PDE5A: variants seen among roughly 807,000 people sequenced by gnomAD.
PDE5A encodes phosphodiesterase 5A, also known as cGMP-specific 3',5'-cyclic phosphodiesterase.
Under a neutral mutation model 110.2 loss-of-function variants are expected in PDE5A, and 67 were observed. The observed-to-expected ratio is 0.61, with a 90% CI of 0.50 to 0.75. The LOEUF (loss-of-function observed/expected upper bound fraction) is 0.75, where lower values mean the gene tolerates loss of function less well. Among genes scored for constraint, PDE5A ranks in the 30% least tolerant of loss-of-function variants. PDE5A has a pLI of 0.00. For synonymous variants in PDE5A, 328 were observed against 351.2 expected (o/e 0.93, Z 0.74); for missense variants, 862 against 1,045.1 (o/e 0.82, Z 2.42).
At chr4:119,560,599 G>A (rs910761211) in intron 6 of PDE5A, among the ~76,000 whole-genome samples, 1 of 152,148 alleles carries the variant, frequency 6.6e-6, no homozygotes, top group African/African-American at 2.4e-5. Context: ...TTGGAAGAAT[G>A]ATTATATGAG....
At chr4:119,540,023 T>C (rs1301741953) in intron 10 of PDE5A, among the ~76,000 whole-genome samples, 3 of 152,196 alleles carry the variant, frequency 2.0e-5, no homozygotes, top group Admixed American at 6.6e-5. Flanking sequence ...AAGCATTTCA[T>C]GTAAGGGTTA....
At position 119,495,893 on chromosome 4, in the gene PDE5A, CA is replaced by C. The variant is rs1433342579; in HGVS notation, c.*2707del. 6.6e-6 allele frequency: 1 copy of C among 152,072 alleles called. No homozygotes were observed. Among genetic ancestry groups the C allele is most frequent in the Non-Finnish European group, 1.5e-5 (1 of 68,014 alleles). 9.4% of individuals were successfully genotyped at this position (152,072 alleles called of 1,614,324 possible). Reference sequence around the variant, plus strand: ...TCACCTTCTCTCTAGACTAATATCCCATTTCTGACAGTGGTCTCCATGGCCC... The same window carrying C: ...TCACCTTCTCTCTAGACTAATATCCCTTTCTGACAGTGGTCTCCATGGCCC... On this transcript the variant is annotated 3_prime_UTR_variant, in exon 21 of 21. Transcript: ENST00000354960.
At chr4:119,565,454 G>T in intron 4 of PDE5A, 44 bp from the exon 5 acceptor site, 1 of 1,304,698 alleles carries the variant, frequency 7.7e-7, no homozygotes, top group Non-Finnish European at 1.1e-6. Context: ...ACATAAAACA[G>T]TCTAGTTACA....
intron 9 of PDE5A, among the ~76,000 whole-genome samples, chr4:119,546,909 C>CT (rs1388161987): frequency 3.3e-5 from 5 of 151,888 alleles, no homozygotes; most frequent in Non-Finnish European, 5.9e-5. Context: ...AATTATTTCT[C>CT]TTTAATAATT....
chr4:119,598,001 AATTCTT>A (rs1292109911), intron 2 of PDE5A, among the ~76,000 whole-genome samples: 1 of 152,112 alleles, frequency 6.6e-6, no homozygotes, highest in Middle Eastern at 3.2e-3. Context: ...TTCCTAATAA[AATTCTT>A]ATTTTATCTT....
At chr4:119,557,707 G>A (rs1046070284) in intron 7 of PDE5A, among the ~76,000 whole-genome samples, 15 of 152,116 alleles carry the variant, frequency 9.9e-5, no homozygotes, top group Admixed American at 2.0e-4. Context: ...CACTACAGAT[G>A]AAGAAACTGA....
At chr4:119,594,862 T>C (rs1729101207) in intron 3 of PDE5A, among the ~76,000 whole-genome samples, 1 of 152,148 alleles carries the variant, frequency 6.6e-6, no homozygotes, top group Non-Finnish European at 1.5e-5. Context: ...TGGTACTTGT[T>C]AGAAAAGAAT....
intron 14 of PDE5A, among the ~76,000 whole-genome samples, 169 bp from the exon 15 acceptor site, chr4:119,511,303 CAA>C (rs1725735137): frequency 6.6e-6 from 1 of 151,972 alleles, no homozygotes; most frequent in Admixed American, 6.6e-5. Flanking sequence ...CTCTGGGAAA[CAA>C]ATACAAAGAG....
intron 9 of PDE5A, among the ~76,000 whole-genome samples, chr4:119,545,215 T>C (rs371633719): frequency 2.0e-5 from 3 of 152,178 alleles, no homozygotes; most frequent in African/African-American, 7.2e-5. Flanking sequence ...CAAAAAGTTA[T>C]AAAGAAAAAG....
At chr4:119,549,605 T>A (rs1046747515) in intron 9 of PDE5A, 15 of 152,170 alleles carry the variant, frequency 9.9e-5, no homozygotes, top group Non-Finnish European at 1.8e-4. Context: ...ATAGGACTAG[T>A]TTCTGCAAAA....
At chr4:119,559,247 C>A (rs1462047544) in intron 7 of PDE5A, among the ~76,000 whole-genome samples, 1 of 151,984 alleles carries the variant, frequency 6.6e-6, no homozygotes, top group Non-Finnish European at 1.5e-5. Context: ...AGGTCACTAT[C>A]ACACCAATTC....
At position 119,496,788 on chromosome 4, in the gene PDE5A, A is replaced by G. The variant is rs1725091852; in HGVS notation, c.*1813T>C. On this transcript the variant is annotated 3_prime_UTR_variant, in exon 21 of 21. Transcript: ENST00000354960. ...GTGTATTTTACACACCAGTGCCACA[A>G]AGGGGCAACCTTACAAATTTTATCT... 1 of 152,570 alleles carries G rather than the reference A, an allele frequency of 6.6e-6. No homozygotes were observed. Among genetic ancestry groups the G allele is most frequent in the African/African-American group, 2.4e-5 (1 of 41,452 alleles). 9.5% of individuals were successfully genotyped at this position (152,570 alleles called of 1,614,324 possible).
intron 14 of PDE5A, among the ~76,000 whole-genome samples, chr4:119,513,678 C>T (rs2291185): frequency 1.3e-5 from 2 of 151,978 alleles, no homozygotes; most frequent in Non-Finnish European, 2.9e-5. Flanking sequence ...TCCTCTTCAA[C>T]CCATCACACT....
chr4:119,504,054 G>A (rs1725470553), intron 18 of PDE5A, among the ~76,000 whole-genome samples: 1 of 152,018 alleles, frequency 6.6e-6, no homozygotes, highest in African/African-American at 2.4e-5. Flanking sequence ...TACCCAAACA[G>A]TGAACATTGT....
intron 3 of PDE5A, among the ~76,000 whole-genome samples, chr4:119,579,320 C>T (rs563519699): frequency 6.6e-6 from 1 of 152,222 alleles, no homozygotes; most frequent in South Asian, 2.1e-4. Flanking sequence ...ACCATTTGAC[C>T]CAGCAATCCC....
rs1379849479 is a variant in PDE5A at position 119,525,054 on chromosome 4, T to C, written c.1779+495A>G. ...CCTTCATTTTCAAAGGAGTTCACTC[T>C]GCTTCGGTCCTTCCCTGTACACTAT... On this transcript the variant is annotated intron_variant, in intron 12 of 20. Coordinates refer to ENST00000354960, the MANE Select transcript of PDE5A (RefSeq NM_001083.4). The surrounding 1 kb of genome is among the most constrained non-coding windows in gnomAD (Gnocchi z 4.3). Among the ~76,000 whole-genome samples the C allele has an allele frequency of 6.6e-6, 1 of 152,154 alleles. No individual in the cohort carries two copies. Among genetic ancestry groups the C allele is most frequent in the Non-Finnish European group, 1.5e-5 (1 of 68,032 alleles).
At chr4:119,590,044 A>G (rs1230936317) in intron 3 of PDE5A, among the ~76,000 whole-genome samples, 1 of 152,180 alleles carries the variant, frequency 6.6e-6, no homozygotes, top group African/African-American at 2.4e-5. Flanking sequence ...GACTTTTAAG[A>G]AATGCTCTTC....
At chr4:119,534,052 T>C (rs187488403) in intron 11 of PDE5A, among the ~76,000 whole-genome samples, 1 of 152,248 alleles carries the variant, frequency 6.6e-6, no homozygotes, top group African/African-American at 2.4e-5. Flanking sequence ...GCTTGTCACA[T>C]GAAGGCAGAA....
chr4:119,561,191 C>T (rs183366210), intron 6 of PDE5A, among the ~76,000 whole-genome samples: 2 of 151,816 alleles, frequency 1.3e-5, no homozygotes, highest in Admixed American at 1.3e-4. Flanking sequence ...ACATTATGCC[C>T]ATGCTCTATT....
Sources: allele counts gnomAD v4.1 joint callset (sites outside exome capture counted in the v4.1 genomes callset), GRCh38; gene constraint gnomAD v4.1.1; non-coding constraint Gnocchi (gnomAD v3.1); transcripts MANE v1.5; gene names NCBI Gene and HGNC (gene_info 2026-07-23, HGNC 2026-07-21).